ANPEP: variants seen among roughly 807,000 people sequenced by gnomAD.
ANPEP encodes the protein aminopeptidase N.
A neutral mutation model predicts 114.6 loss-of-function variants in ANPEP; 70 were observed. The observed-to-expected ratio is 0.61, with a 90% CI of 0.50 to 0.75. ANPEP has a LOEUF of 0.75. Ranked by LOEUF, ANPEP falls within the 30% of genes least tolerant of loss-of-function variation. The probability of loss-of-function intolerance (pLI) is 0.00; values close to 1 mark genes in which losing one functional copy is unlikely to be tolerated. For synonymous variants in ANPEP, 548 were observed against 522.3 expected, an observed-to-expected ratio of 1.05 and a Z score of -0.67; for missense variants, 1,184 against 1,259.5, an observed-to-expected ratio of 0.94 and a Z score of 0.91.
intron 15 of ANPEP, among the ~76,000 whole-genome samples, chr15:89,796,558 G>A (rs1968730651): frequency 6.6e-6 from 1 of 151,942 alleles, no homozygotes; most frequent in Non-Finnish European, 1.5e-5. Flanking sequence ...CACCATCTTG[G>A]CTCACTGCAA....
chr15:89,813,719 C>G (rs1391399155), intron 1 of ANPEP, among the ~76,000 whole-genome samples: 1 of 152,182 alleles, frequency 6.6e-6, no homozygotes, highest in Non-Finnish European at 1.5e-5. Context: ...ACGCCCACCT[C>G]CCCTCCACAA....
In ANPEP at chr15:89,799,357, G is replaced by A. The variant is rs1219181167; in HGVS notation, c.1954-42C>T. On this transcript the variant is annotated intron_variant, in intron 13 of 20. Coordinates refer to ENST00000300060, the MANE Select transcript of ANPEP (RefSeq NM_001150.3). The surrounding 1 kb of genome is among the most constrained non-coding windows in gnomAD (Gnocchi z 4.2). ...AGCATGTGACCATGGGTTGGCTGTG[G>A]GTGGCAGGCCTTGCAGTCTGGTGCC... The A allele has an allele frequency of 1.2e-6, 2 of 1,614,160 alleles. No individual in the cohort carries two copies. Among genetic ancestry groups the A allele is most frequent in the East Asian group, 2.2e-5 (1 of 44,888 alleles).
chr15:89,803,595 C>G lies in ANPEP; in HGVS notation c.1437+52G>C, dbSNP rs1759143031. 3 of 1,602,324 alleles carry G rather than the reference C, an allele frequency of 1.9e-6. No homozygotes were observed. The highest frequency in any genetic ancestry group is 1.7e-5 in the Admixed American group (1 of 59,830). On this transcript the variant is annotated intron_variant, in intron 8 of 20. Coordinates refer to ENST00000300060, the MANE Select transcript of ANPEP (RefSeq NM_001150.3). This position sits in a 1 kb window ranked among gnomAD's most constrained non-coding sequence, Gnocchi z 4.2. ...AGACCCTGCCTTCAGTGAGGCCCCT[C>G]CAGGCCAAGTCCCCACCTCCTTCCC...
At chr15:89,800,209 C>A (rs1046820767) in intron 12 of ANPEP, among the ~76,000 whole-genome samples, 3 of 152,206 alleles carry the variant, frequency 2.0e-5, no homozygotes, top group Non-Finnish European at 4.4e-5. Flanking sequence ...ACTTGCTATT[C>A]CCTTTGCCTG....
intron 2 of ANPEP, among the ~76,000 whole-genome samples, chr15:89,805,697 C>T (rs190509255): frequency 1.2e-4 from 18 of 152,282 alleles, no homozygotes; most frequent in Admixed American, 9.8e-4. Context: ...TCAGGGACCT[C>T]GGGTGAGTTT....
rs1894668282 is a variant in ANPEP at position 89,804,549 on chromosome 15, G to A, written c.966C>T (p.Gly322=). Residue 322 remains glycine (G), a synonymous_variant, in exon 5 of 21, where the codon GGC becomes GGT. Transcript: ENST00000300060. ...GACCAGCAAAGAAGTTAAGGATGGG[G>A]CCCGTCACGTTCAGGGCATAATCGC... The part of the protein sequence containing the change: ...GHGDYALNVT[G]PILNFFAGHY... The A allele has an allele frequency of 6.2e-7, 1 of 1,614,186 alleles. No homozygotes were observed. The highest frequency in any genetic ancestry group is 8.5e-7 in the Non-Finnish European group (1 of 1,180,012).
chr15:89,797,117 G>C (rs1416532548), intron 15 of ANPEP, among the ~76,000 whole-genome samples: 1 of 152,202 alleles, frequency 6.6e-6, no homozygotes, highest in Non-Finnish European at 1.5e-5. Flanking sequence ...GCGCAGGTGG[G>C]CTGGCCGGGC....
intron 10 of ANPEP, 149 bp from the exon 11 acceptor site, chr15:89,801,756 G>A (rs1003328855): frequency 4.4e-6 from 4 of 913,186 alleles, no homozygotes; most frequent in African/African-American, 1.7e-5. Flanking sequence ...CGGGAGCCAG[G>A]GTACCGTCCA....
chr15:89,791,913 G>A (rs1286140254), intron 18 of ANPEP, among the ~76,000 whole-genome samples: 1 of 152,174 alleles, frequency 6.6e-6, no homozygotes, highest in African/African-American at 2.4e-5. Flanking sequence ...AAGACGAGTT[G>A]TTGTCAGGTA....
intron 2 of ANPEP, 43 bp from the exon 3 acceptor site, chr15:89,805,506 T>C (rs1476683254): frequency 6.2e-7 from 1 of 1,609,302 alleles, no homozygotes; most frequent in Non-Finnish European, 8.5e-7. Flanking sequence ...GAGCTGGGGG[T>C]GTGGGAGGGG....
chr15:89,810,580 GAAAAA>G (rs540401836), intron 1 of ANPEP, among the ~76,000 whole-genome samples: 198 of 129,662 alleles, frequency 1.5e-3, no homozygotes, highest in Admixed American at 2.6e-3. Context: ...TTTCAAAAAA[GAAAAA>G]AAAAAAAGAA....
intron 15 of ANPEP, among the ~76,000 whole-genome samples, chr15:89,796,676 T>C (rs978195572): frequency 1.3e-4 from 20 of 151,568 alleles, no homozygotes; most frequent in Non-Finnish European, 2.8e-4. Flanking sequence ...TTTTTTTTTT[T>C]AGTAGAGACG....
At chr15:89,787,649 C>G (rs8031558) in intron 20 of ANPEP, among the ~76,000 whole-genome samples, 37,036 of 152,032 alleles carry the variant, frequency 0.24, 4,581 homozygotes, top group South Asian at 0.3. Flanking sequence ...AGAACTCTTA[C>G]AATAAAAAGA....
intron 2 of ANPEP, 73 bp from the exon 3 acceptor site, chr15:89,805,536 C>A: frequency 1.3e-6 from 2 of 1,576,546 alleles, no homozygotes; most frequent in Non-Finnish European, 1.7e-6. Context: ...TGCTACCAGG[C>A]ATGCAGGGAA....
chr15:89,799,428 A>T lies in ANPEP; in HGVS notation c.1951T>A (p.Ser651Thr). ...GGCGAGGGGTGGCAGACACTCACCG[A>T]GTGGTCTCTCTGCAGCTGAGTCTGA... ...KIQTQLQRDH[S>T]AIPVINRAQI... Residue 651 changes from serine to threonine, a missense_variant and splice_region_variant, in exon 13 of 21, where the codon TCG (serine) becomes ACG (threonine). Physicochemically the swap from Ser to Thr is moderately conservative, Grantham distance 58. Transcript: ENST00000300060. This position sits in a 1 kb window ranked among gnomAD's most constrained non-coding sequence, Gnocchi z 4.2. 6.2e-7 allele frequency: 1 copy of T among 1,614,142 alleles called. No individual in the cohort carries two copies.
intron 20 of ANPEP, among the ~76,000 whole-genome samples, chr15:89,790,092 A>G (rs8023978): frequency 0.071 from 10,391 of 146,246 alleles, 515 homozygotes; most frequent in Middle Eastern, 0.12. Context: ...AAATAAAAGA[A>G]TGCGTTTATT....
At chr15:89,792,690 T>C (rs948480195) in intron 16 of ANPEP, 128 bp from the exon 17 acceptor site, 30 of 785,158 alleles carry the variant, frequency 3.8e-5, no homozygotes, top group African/African-American at 2.1e-4. Flanking sequence ...TGACCCCCGC[T>C]GTATGTGCTT....
intron 15 of ANPEP, 49 bp downstream of exon 15, chr15:89,797,526 C>T (rs1968752192): frequency 1.3e-6 from 2 of 1,578,792 alleles, no homozygotes; most frequent in Non-Finnish European, 8.6e-7. Context: ...AGTGCACTTT[C>T]AGGCACTGGG....
chr15:89,810,432 G>A (rs1270423327), intron 1 of ANPEP, among the ~76,000 whole-genome samples: 4 of 152,004 alleles, frequency 2.6e-5, no homozygotes, highest in African/African-American at 9.7e-5. Context: ...TTAGCTGGAC[G>A]TGGTGGCGCA....
Sources: gnomAD v4.1 joint callset for allele counts (sites outside exome capture counted in the v4.1 genomes callset) on GRCh38, gnomAD v4.1.1 for gene constraint, Gnocchi (gnomAD v3.1) non-coding constraint, MANE v1.5 for transcripts, NCBI Gene and HGNC (gene_info 2026-07-23, HGNC 2026-07-21) for gene names.